Variants in PPFIA2 observed in about 807,000 individuals in gnomAD.
PPFIA2 encodes PPFI scaffold protein A2, also known as liprin-alpha-2.
Under a neutral mutation model 175.5 loss-of-function variants are expected in PPFIA2, and 46 were observed. The ratio of observed to expected loss-of-function variants is 0.26; its 90% CI spans 0.21 to 0.34. The LOEUF is 0.34. Among genes scored for constraint, PPFIA2 ranks in the 10% least tolerant of loss-of-function variants. PPFIA2 has a pLI of 1.00. For synonymous variants in PPFIA2, 568 were observed against 511.4 expected (o/e 1.11, Z -1.49); for missense variants, 1,179 against 1,506.1 (o/e 0.78, Z 3.60).
rs541166223 is a variant in PPFIA2 at position 81,411,926 on chromosome 12, T to C, written c.646-6023A>G. 5.3e-5 allele frequency among the ~76,000 whole-genome samples: 8 copies of C among 152,138 alleles called. No homozygotes were observed. The South Asian group carries it at 1.7e-3, about 32-fold the overall frequency. On this transcript the variant is annotated intron_variant, in intron 7 of 32. Coordinates refer to ENST00000549396, the MANE Select transcript of PPFIA2 (RefSeq NM_003625.5). Reference sequence around the variant, plus strand: ...TTACAAATTAGGTGATTTCTGAGTATGGGCTTGAGGACAAGAGGGAACAGC... The same window carrying C: ...TTACAAATTAGGTGATTTCTGAGTACGGGCTTGAGGACAAGAGGGAACAGC...
intron 4 of PPFIA2, among the ~76,000 whole-genome samples, chr12:81,571,129 A>T (rs1424702894): frequency 6.6e-6 from 1 of 152,074 alleles, no homozygotes; most frequent in Non-Finnish European, 1.5e-5. Context: ...CATTTATAGA[A>T]TCTAATTAGA....
At chr12:81,714,350 A>G (rs531948998) in intron 3 of PPFIA2, among the ~76,000 whole-genome samples, 8 of 151,034 alleles carry the variant, frequency 5.3e-5, no homozygotes, top group Non-Finnish European at 7.4e-5. Context: ...AGCAACTAAA[A>G]GAATGGGATC....
intron 2 of PPFIA2, among the ~76,000 whole-genome samples, chr12:81,755,016 C>T (rs1039022705): frequency 4.6e-5 from 7 of 151,988 alleles, no homozygotes; most frequent in Admixed American, 3.3e-4. Context: ...TTCCCTTTTT[C>T]CTGTTAACTG....
chr12:81,555,818 G>T (rs1160970488), intron 4 of PPFIA2, among the ~76,000 whole-genome samples: 1 of 151,870 alleles, frequency 6.6e-6, no homozygotes, highest in Non-Finnish European at 1.5e-5. Context: ...AAAAGGTACA[G>T]ACTTGATACA....
chr12:81,716,764 T>C (rs2078683115), intron 3 of PPFIA2, among the ~76,000 whole-genome samples: 2 of 151,752 alleles, frequency 1.3e-5, no homozygotes, highest in South Asian at 4.1e-4. Context: ...TTTAAAATTA[T>C]TACTTCTGTT....
intron 4 of PPFIA2, among the ~76,000 whole-genome samples, chr12:81,529,579 G>A (rs1469283210): frequency 1.3e-5 from 2 of 150,850 alleles, no homozygotes; most frequent in Non-Finnish European, 3.0e-5. Context: ...GAGAGAGAGA[G>A]AGAGATTCAT....
chr12:81,285,616 C>T (rs997275725), intron 24 of PPFIA2, among the ~76,000 whole-genome samples: 4 of 152,012 alleles, frequency 2.6e-5, no homozygotes, highest in African/African-American at 9.7e-5. Context: ...AAGTTCCTGT[C>T]ACCTAGTGAT....
At chr12:81,480,465 T>G (rs2058074205) in intron 4 of PPFIA2, among the ~76,000 whole-genome samples, 1 of 152,190 alleles carries the variant, frequency 6.6e-6, no homozygotes, top group Non-Finnish European at 1.5e-5. Context: ...GGTAAGGAGC[T>G]GTGATCCTTT....
chr12:81,540,333 T>A (rs928367262), intron 4 of PPFIA2, among the ~76,000 whole-genome samples: 1 of 152,034 alleles, frequency 6.6e-6, no homozygotes, highest in African/African-American at 2.4e-5. Context: ...TTTATATCAA[T>A]TCAACAACTG....
At chr12:81,622,797 C>T (rs1196721720) in intron 4 of PPFIA2, among the ~76,000 whole-genome samples, 1 of 152,130 alleles carries the variant, frequency 6.6e-6, no homozygotes, top group African/African-American at 2.4e-5. Context: ...CCCTACCCCT[C>T]AGATTAAATA....
At chr12:81,365,540 C>A (rs928343871) in intron 14 of PPFIA2, among the ~76,000 whole-genome samples, 1 of 151,670 alleles carries the variant, frequency 6.6e-6, no homozygotes, top group African/African-American at 2.4e-5. Flanking sequence ...TGCATAACAG[C>A]ATCACGTCCA....
chr12:81,573,502 A>C (rs1355520583), intron 4 of PPFIA2, among the ~76,000 whole-genome samples: 1 of 151,914 alleles, frequency 6.6e-6, no homozygotes, highest in Non-Finnish European at 1.5e-5. Flanking sequence ...GCAGGAGTAC[A>C]TTCTCAAAGA....
chr12:81,456,379 T>C (rs2053573281), intron 5 of PPFIA2, among the ~76,000 whole-genome samples: 1 of 152,182 alleles, frequency 6.6e-6, no homozygotes, highest in African/African-American at 2.4e-5. Flanking sequence ...ATTCAATGTA[T>C]GCATGTATGT....
intron 4 of PPFIA2, among the ~76,000 whole-genome samples, chr12:81,560,483 G>C (rs891544450): frequency 6.6e-6 from 1 of 152,070 alleles, no homozygotes; most frequent in African/African-American, 2.4e-5. Context: ...AGAACTAGGA[G>C]AATTCATTAG....
chr12:81,446,250 A>G (rs950183733), intron 5 of PPFIA2, among the ~76,000 whole-genome samples: 4 of 152,234 alleles, frequency 2.6e-5, no homozygotes, highest in Non-Finnish European at 5.9e-5. Context: ...CAATTAGAAC[A>G]TAGTAACTGA....
intron 4 of PPFIA2, among the ~76,000 whole-genome samples, chr12:81,499,594 C>A (rs546512622): frequency 4.6e-5 from 7 of 152,158 alleles, no homozygotes; most frequent in African/African-American, 1.7e-4. Context: ...TTTGTCAGAT[C>A]CCATTTAAAT....
At chr12:81,598,141 G>T in intron 4 of PPFIA2, 1 of 1,487,144 alleles carries the variant, frequency 6.7e-7, no homozygotes, top group Non-Finnish European at 8.9e-7. Context: ...AGGGTAAAAT[G>T]AAATCTGCCC....
At chr12:81,534,389 T>G (rs534840342) in intron 4 of PPFIA2, among the ~76,000 whole-genome samples, 85 of 151,804 alleles carry the variant, frequency 5.6e-4, no homozygotes, top group African/African-American at 2.0e-3. Context: ...ATGGATATCC[T>G]AAATGCCCTG....
intron 2 of PPFIA2, among the ~76,000 whole-genome samples, chr12:81,757,644 C>T (rs551459677): frequency 2.8e-4 from 42 of 152,252 alleles, no homozygotes; most frequent in Non-Finnish European, 5.0e-4. Context: ...TTTTAAATTT[C>T]TCAGATTTCA....
Sources: gnomAD v4.1 joint callset for allele counts (sites outside exome capture counted in the v4.1 genomes callset) on GRCh38, gnomAD v4.1.1 for gene constraint, MANE v1.5 for transcripts, NCBI Gene and HGNC (gene_info 2026-07-23, HGNC 2026-07-21) for gene names.